Variants in BST1 observed in about 807,000 individuals in gnomAD.
BST1 encodes the protein bone marrow stromal cell antigen 1, also known as ADP-ribosyl cyclase/cyclic ADP-ribose hydrolase 2.
Under a neutral mutation model 40.6 loss-of-function variants are expected in BST1, and 49 were observed. That is an observed-to-expected ratio of 1.21 (90% CI 0.96 to 1.53). The LOEUF is 1.53. Ranked by LOEUF, BST1 falls within the 40% of genes most tolerant of loss-of-function variation. BST1 has a pLI of 0.00. For missense variants in BST1, 423 were observed against 395.9 expected, an observed-to-expected ratio of 1.07 and a Z score of -0.58; for synonymous variants, 157 against 159.3, an observed-to-expected ratio of 0.99 and a Z score of 0.11.
chr4:15,722,823 G>C (rs1479359225), intron 7 of BST1, 52 bp from the exon 8 acceptor site: 116 of 1,522,552 alleles, frequency 7.6e-5, no homozygotes, highest in Non-Finnish European at 1.0e-4. Context: ...ATAAATGGTT[G>C]ATGGATGAAA....
the BST1 span, among the ~76,000 whole-genome samples, chr4:15,748,813 AT>A: frequency 1.3e-5 from 2 of 152,176 alleles, no homozygotes; most frequent in Admixed American, 6.6e-5. Flanking sequence ...CTAATTCCAC[AT>A]TCCTTATGAT....
At chr4:15,721,139 A>G (rs954236520) in intron 7 of BST1, among the ~76,000 whole-genome samples, 1 of 152,188 alleles carries the variant, frequency 6.6e-6, no homozygotes, top group Non-Finnish European at 1.5e-5. Context: ...TGTCAGGAGC[A>G]GAGAGGATAT....
chr4:15,751,522 G>A, the BST1 span, among the ~76,000 whole-genome samples: 1 of 152,054 alleles, frequency 6.6e-6, no homozygotes, highest in African/African-American at 2.4e-5. Context: ...AGGGTGCTGG[G>A]AAGATTCAAT....
In BST1 at chr4:15,715,800, G is replaced by A. The variant is rs1022491048; in HGVS notation, c.704+1G>A. ...TGCATGAAATTGGGGGACCCAATGT[G>A]TAAGTTATGGTGATATTGATGATGA... On this transcript the variant is annotated splice_donor_variant, in intron 6 of 8. Coordinates refer to ENST00000265016, the MANE Select transcript of BST1 (RefSeq NM_004334.3). LOFTEE classifies it high-confidence loss of function. 4 of 1,560,536 alleles carry A rather than the reference G, an allele frequency of 2.6e-6. No homozygotes were observed. Among genetic ancestry groups the A allele is most frequent in the African/African-American group, 2.8e-5 (2 of 72,466 alleles).
the BST1 span, among the ~76,000 whole-genome samples, chr4:15,746,802 A>G: frequency 6.6e-6 from 1 of 152,108 alleles, no homozygotes; most frequent in Non-Finnish European, 1.5e-5. Context: ...CAAATGTGAG[A>G]GGGGGCTAGG....
At chr4:15,706,124 C>T (rs1719872279) in intron 2 of BST1, among the ~76,000 whole-genome samples, 1 of 152,178 alleles carries the variant, frequency 6.6e-6, no homozygotes, top group South Asian at 2.1e-4. Context: ...CACCTCACAC[C>T]AGGCCCCACC....
chr4:15,761,273 A>G, the BST1 span, among the ~76,000 whole-genome samples: 3 of 151,836 alleles, frequency 2.0e-5, no homozygotes, highest in Non-Finnish European at 2.9e-5. Context: ...TAAATTGGCA[A>G]TTGCTGTTTG....
the BST1 span, among the ~76,000 whole-genome samples, chr4:15,752,458 G>A: frequency 1.3e-5 from 2 of 151,030 alleles, no homozygotes; most frequent in African/African-American, 2.4e-5. Context: ...GCGCAATCTC[G>A]GCTCACTGCA....
At chr4:15,723,196 G>A (rs1035249360) in intron 8 of BST1, among the ~76,000 whole-genome samples, 2 of 152,158 alleles carry the variant, frequency 1.3e-5, no homozygotes, top group Non-Finnish European at 2.9e-5. Flanking sequence ...TCATACTTCT[G>A]TCCTAGTCTG....
the BST1 span, among the ~76,000 whole-genome samples, chr4:15,755,297 C>A: frequency 5.9e-5 from 9 of 152,204 alleles, no homozygotes; most frequent in South Asian, 1.5e-3. Context: ...CACCACCACG[C>A]CTGGCTAATT....
chr4:15,761,795 A>G, the BST1 span, among the ~76,000 whole-genome samples: 1 of 152,010 alleles, frequency 6.6e-6, no homozygotes, highest in Non-Finnish European at 1.5e-5. Context: ...CAGCCAGGTA[A>G]ATAGCAGAGG....
chr4:15,736,112 G>A (rs766992508), downstream of BST1: 34 of 1,288,642 alleles, frequency 2.6e-5, no homozygotes, highest in African/African-American at 2.0e-4. Context: ...TACAACCGCC[G>A]GTTCTAGCCT....
intron 6 of BST1, among the ~76,000 whole-genome samples, chr4:15,716,013 C>T (rs1720496622): frequency 6.6e-6 from 1 of 152,186 alleles, no homozygotes; most frequent in African/African-American, 2.4e-5. Context: ...CTGGGATATT[C>T]TTCTCAGCCA....
chr4:15,722,675 C>T (rs914195398), intron 7 of BST1, among the ~76,000 whole-genome samples, 200 bp from the exon 8 acceptor site: 1 of 150,676 alleles, frequency 6.6e-6, no homozygotes, highest in Admixed American at 6.6e-5. Flanking sequence ...TCAAGCAGTC[C>T]TCCTGCCTCA....
chr4:15,746,718 G>A, the BST1 span, among the ~76,000 whole-genome samples: 1 of 152,180 alleles, frequency 6.6e-6, no homozygotes, highest in South Asian at 2.1e-4. Flanking sequence ...TATTGCTCTG[G>A]AATGGTGGTC....
the BST1 span, among the ~76,000 whole-genome samples, chr4:15,762,757 G>C: frequency 6.6e-6 from 1 of 152,040 alleles, no homozygotes; most frequent in Non-Finnish European, 1.5e-5. Context: ...TCTGCTATGA[G>C]TTTGGTTTTC....
intron 6 of BST1, among the ~76,000 whole-genome samples, chr4:15,716,723 A>G (rs963854118): frequency 6.6e-6 from 1 of 152,218 alleles, no homozygotes; most frequent in Non-Finnish European, 1.5e-5. Flanking sequence ...TTTTGCATGC[A>G]TGAAAAACGT....
chr4:15,722,334 G>T (rs1196544385), intron 7 of BST1, among the ~76,000 whole-genome samples: 4 of 152,218 alleles, frequency 2.6e-5, no homozygotes, highest in Non-Finnish European at 5.9e-5. Flanking sequence ...CCATTTGGTT[G>T]TTATGAGGAT....
chr4:15,750,715 T>C, the BST1 span, among the ~76,000 whole-genome samples: 2 of 152,218 alleles, frequency 1.3e-5, no homozygotes, highest in African/African-American at 2.4e-5. Flanking sequence ...ACATTAATAA[T>C]TGTTATATTG....
Sources: gnomAD v4.1 joint callset for allele counts (sites outside exome capture counted in the v4.1 genomes callset) on GRCh38, gnomAD v4.1.1 for gene constraint, MANE v1.5 for transcripts, NCBI Gene and HGNC (gene_info 2026-07-23, HGNC 2026-07-21) for gene names.